The following PLXNA2 variants were observed in gnomAD, a reference collection of about 807,000 sequenced individuals.
The protein encoded by PLXNA2 is plexin-A2.
In PLXNA2, 91 loss-of-function variants were observed where a neutral mutation model predicts 193.5. The observed-to-expected ratio is 0.47, with a 90% CI of 0.40 to 0.56. The LOEUF (loss-of-function observed/expected upper bound fraction) is 0.56, where lower values mean the gene tolerates loss of function less well. PLXNA2 is among the 20% of genes least tolerant of loss of function. The pLI is 0.00. For synonymous variants in PLXNA2, 997 were observed against 1,027.3 expected (o/e 0.97, Z 0.56); for missense variants, 1,995 against 2,503.2 (o/e 0.80, Z 4.33).
intron 12 of PLXNA2, among the ~76,000 whole-genome samples, chr1:208,074,865 T>C (rs1666097173): frequency 6.6e-6 from 1 of 152,138 alleles, no homozygotes; most frequent in Non-Finnish European, 1.5e-5. Flanking sequence ...ACAGAGTGGC[T>C]GCACTAAGGA....
intron 4 of PLXNA2, among the ~76,000 whole-genome samples, chr1:208,117,947 C>A (rs542795479): frequency 3.5e-4 from 53 of 152,278 alleles, no homozygotes; most frequent in Non-Finnish European, 6.3e-4. Context: ...TGACGAAAGG[C>A]CTTTCATTAT....
rs937639140 is a variant in PLXNA2, at chr1:208,236,651, C to T, written c.-81+6992G>A. 1.3e-5 allele frequency among the ~76,000 whole-genome samples: 2 copies of T among 152,232 alleles called. No homozygotes were observed. The highest frequency in any genetic ancestry group is 1.9e-4 in the East Asian group (1 of 5,202). On this transcript the variant is annotated intron_variant, in intron 1 of 31. Coordinates refer to ENST00000367033, the MANE Select transcript of PLXNA2 (RefSeq NM_025179.4). This position sits in a 1 kb window ranked among gnomAD's most constrained non-coding sequence, Gnocchi z 4.4. ...TGTCCCTGGCGTGTTCTCGTTCACT[C>T]AGTGAGTTGTCTACCACTCTCAGAA...
intron 1 of PLXNA2, among the ~76,000 whole-genome samples, chr1:208,240,069 A>C (rs1671997447): frequency 6.6e-6 from 1 of 152,176 alleles, no homozygotes; most frequent in South Asian, 2.1e-4. Flanking sequence ...AGAAGCAGAG[A>C]ACTTTTGCAC....
intron 4 of PLXNA2, among the ~76,000 whole-genome samples, chr1:208,123,113 G>A (rs1045615755): frequency 6.6e-5 from 10 of 152,114 alleles, no homozygotes; most frequent in African/African-American, 1.7e-4. Flanking sequence ...AACACCAATC[G>A]ACTTTCTGTC....
chr1:208,244,299 CGCGGTG>C lies in PLXNA2; in HGVS notation c.-743_-738del, dbSNP rs1208437601. On this transcript the variant is annotated 5_prime_UTR_variant, in exon 1 of 32. Coordinates refer to ENST00000367033, the MANE Select transcript of PLXNA2 (RefSeq NM_025179.4). ...CGCTCCTCCCGGCAGCTCTGGCTCC[CGCGGTG>C]GCGGCGGCGGCGGCGGCGGCGGCGG... 6 of 119,058 alleles carry C rather than the reference CGCGGTG, an allele frequency of 5.0e-5. No individual in the cohort carries two copies. Among genetic ancestry groups the C allele is most frequent in the South Asian group, 9.8e-5 (1 of 10,226 alleles). 7.4% of individuals were successfully genotyped at this position (119,058 alleles called of 1,614,324 possible). A position where few individuals can be genotyped will look rare whatever the true frequency, so the allele number is the denominator to read the frequency against.
Position 208,033,411 on chromosome 1 carries a change from C to A in PLXNA2, c.4963G>T (p.Val1655Leu), listed in dbSNP as rs1441760365. The A allele has an allele frequency of 6.2e-7, 1 of 1,614,164 alleles. No homozygotes were observed. Among genetic ancestry groups the A allele is most frequent in the Non-Finnish European group, 8.5e-7 (1 of 1,180,026 alleles). Reference sequence around the variant, plus strand: ...TGGTCACCGTGGTCATGGTTCTTCACCAGATGCCACACCTTGACCCCACTT... The same window carrying A: ...TGGTCACCGTGGTCATGGTTCTTCAACAGATGCCACACCTTGACCCCACTT... ...LESGVKVWHLVKNHDHGDQKE... is the reference protein window; with the variant it reads ...LESGVKVWHLLKNHDHGDQKE... The change falls in exon 28 of 32, where the codon GTG becomes TTG. Residue 1655 changes from valine to leucine, a missense_variant. Coordinates refer to ENST00000367033, the MANE Select transcript of PLXNA2 (RefSeq NM_025179.4).
At chr1:208,141,141 A>G (rs1668445133) in intron 4 of PLXNA2, among the ~76,000 whole-genome samples, 1 of 152,224 alleles carries the variant, frequency 6.6e-6, no homozygotes, top group South Asian at 2.1e-4. Flanking sequence ...TATAATTGGC[A>G]TGCAATTATC....
In PLXNA2 at chr1:208,168,723, GGTTT is replaced by G. The variant is rs1358592358; in HGVS notation, c.1372-26264_1372-26261del. ...CAAAAAGAAGACAAAGAGTATGCGG[GGTTT>G]TTTTTTTTTTTTTTTTTTTTTTTTA... On this transcript the variant is annotated intron_variant, in intron 3 of 31. Transcript: ENST00000367033. Among the ~76,000 whole-genome samples the G allele has an allele frequency of 3.8e-3, 393 of 102,234 alleles. 32 individuals are homozygous for G. Among genetic ancestry groups the G allele is most frequent in the Non-Finnish European group, 4.9e-3 (262 of 53,426 alleles). The allele number at this position is 102,234 out of a possible 152,430, so 67.1% of individuals were successfully genotyped here. A position where few individuals can be genotyped will look rare whatever the true frequency, so the allele number is the denominator to read the frequency against.
chr1:208,230,735 G>A (rs1405519983), intron 1 of PLXNA2, among the ~76,000 whole-genome samples: 1 of 152,222 alleles, frequency 6.6e-6, no homozygotes, highest in Non-Finnish European at 1.5e-5. Context: ...AGCTTCTTAA[G>A]CAGGCTATGT....
In PLXNA2 at chr1:208,060,843, G is replaced by A; in HGVS notation, c.2587-6C>T. 6.2e-7 allele frequency: 1 copy of A among 1,613,556 alleles called. No individual in the cohort carries two copies. Among genetic ancestry groups the A allele is most frequent in the Non-Finnish European group, 8.5e-7 (1 of 1,179,708 alleles). ...GGTCCAGACACCGTCAAAATCTGCAGGAGGGAAATGGGATTAGCAATTTGG... is the reference window on the plus strand; with the variant it reads ...GGTCCAGACACCGTCAAAATCTGCAAGAGGGAAATGGGATTAGCAATTTGG... On this transcript the variant is annotated splice_region_variant and splice_polypyrimidine_tract_variant and intron_variant, in intron 12 of 31. Transcript: ENST00000367033.
intron 3 of PLXNA2, among the ~76,000 whole-genome samples, chr1:208,149,808 C>A (rs894672589): frequency 5.3e-5 from 8 of 152,074 alleles, no homozygotes; most frequent in Admixed American, 2.0e-4. Flanking sequence ...GACTCTTCCT[C>A]CCTCTATCCT....
chr1:208,181,329 T>C (rs1025700767), intron 3 of PLXNA2, among the ~76,000 whole-genome samples: 7 of 152,168 alleles, frequency 4.6e-5, no homozygotes, highest in Non-Finnish European at 1.0e-4. Flanking sequence ...CTGTCTGTTC[T>C]CTGGTCTTTC....
At chr1:208,156,085 TAA>T (rs1668933416) in intron 3 of PLXNA2, among the ~76,000 whole-genome samples, 1 of 151,990 alleles carries the variant, frequency 6.6e-6, no homozygotes, top group South Asian at 2.1e-4. Context: ...GGGCATTTCC[TAA>T]GTGGGGAAAG....
At chr1:208,135,160 G>A (rs1056710828) in intron 4 of PLXNA2, among the ~76,000 whole-genome samples, 11 of 152,066 alleles carry the variant, frequency 7.2e-5, no homozygotes, top group African/African-American at 2.2e-4. Context: ...AATTTCTTAG[G>A]GGGTGGTGGG....
intron 4 of PLXNA2, among the ~76,000 whole-genome samples, chr1:208,128,066 G>A (rs1203741507): frequency 6.6e-6 from 1 of 152,172 alleles, no homozygotes; most frequent in African/African-American, 2.4e-5. Flanking sequence ...AGCCTGAGGG[G>A]CGGGCAGAGA....
chr1:208,051,124 G>A (rs557608691), intron 16 of PLXNA2, 22 bp from the exon 17 acceptor site: 1 of 1,608,498 alleles, frequency 6.2e-7, no homozygotes, highest in African/African-American at 1.3e-5. Context: ...CAGAGGCTCG[G>A]TTAGGTAAAA....
intron 1 of PLXNA2, among the ~76,000 whole-genome samples, chr1:208,220,599 A>ATTTTTTTTTTTTT (rs71303058): frequency 7.1e-6 from 1 of 139,928 alleles, no homozygotes. Context: ...CACCCGCCTA[A>ATTTTTTTTTTTTT]TTTTTTTTTT....
intron 3 of PLXNA2, among the ~76,000 whole-genome samples, chr1:208,154,876 G>A (rs553349536): frequency 6.6e-6 from 1 of 152,202 alleles, no homozygotes; most frequent in Non-Finnish European, 1.5e-5. Flanking sequence ...ACAAGGCAGC[G>A]GCGGGAACAA....
Position 208,047,627 on chromosome 1 carries a change from G to A in PLXNA2, c.3256-1510C>T, listed in dbSNP as rs536874287. Among the ~76,000 whole-genome samples the A allele has an allele frequency of 9.8e-5, 15 of 152,360 alleles. No individual in the cohort carries two copies. The South Asian group carries it at 3.1e-3, about 32-fold the overall frequency. The stretch of plus-strand genomic sequence containing the variant: ...AGCAGTGGGGTCCCGGCAACAGCCA[G>A]GGCATCTCTGAGAACTCAGACTGCT... On this transcript the variant is annotated intron_variant, in intron 17 of 31. Transcript: ENST00000367033.
Sources: allele counts gnomAD v4.1 joint callset (sites outside exome capture counted in the v4.1 genomes callset), GRCh38; gene constraint gnomAD v4.1.1; non-coding constraint Gnocchi (gnomAD v3.1); transcripts MANE v1.5; gene names NCBI Gene and HGNC (gene_info 2026-07-23, HGNC 2026-07-21).